The following CSMD1 variants were observed in gnomAD, a reference collection of about 807,000 sequenced individuals.
CSMD1 encodes the protein CUB and Sushi multiple domains 1.
A neutral mutation model predicts 417.5 loss-of-function variants in CSMD1; 213 were observed. That is an observed-to-expected ratio of 0.51 (90% confidence interval 0.46 to 0.57). The LOEUF (loss-of-function observed/expected upper bound fraction) is 0.57, where lower values mean the gene tolerates loss of function less well. CSMD1 is among the 20% of genes least tolerant of loss of function. The pLI is 0.00. For missense variants in CSMD1, 6,923 were observed against 4,529.7 expected (o/e 1.53, Z -15.17); for synonymous variants, 2,862 against 1,736.8 (o/e 1.65, Z -16.11).
intron 5 of CSMD1, among the ~76,000 whole-genome samples, chr8:3,991,294 A>G (rs1348707942): frequency 6.6e-6 from 1 of 152,204 alleles, no homozygotes; most frequent in Non-Finnish European, 1.5e-5. Flanking sequence ...TTATTTGCCT[A>G]TTGAGTTTCA....
intron 1 of CSMD1, among the ~76,000 whole-genome samples, chr8:4,761,353 C>A (rs1056149669): frequency 2.7e-5 from 4 of 148,834 alleles, no homozygotes; most frequent in South Asian, 2.2e-4. Flanking sequence ...TTAATTACAT[C>A]TTGAAATCGT....
chr8:3,175,057 C>G (rs1326111220), intron 37 of CSMD1, among the ~76,000 whole-genome samples: 2 of 152,022 alleles, frequency 1.3e-5, no homozygotes, highest in African/African-American at 4.8e-5. Context: ...AGTACTATAT[C>G]ACAAAATTAT....
intron 10 of CSMD1, among the ~76,000 whole-genome samples, chr8:3,529,267 C>T (rs548092284): frequency 1.3e-5 from 2 of 152,150 alleles, no homozygotes; most frequent in Non-Finnish European, 2.9e-5. Flanking sequence ...AAGTTCTTTT[C>T]CATGATTTTT....
At chr8:4,083,751 T>C (rs375008527) in intron 3 of CSMD1, among the ~76,000 whole-genome samples, 2 of 152,104 alleles carry the variant, frequency 1.3e-5, no homozygotes, top group Non-Finnish European at 2.9e-5. Flanking sequence ...GAAGAAAACC[T>C]AGGCATTACC....
intron 10 of CSMD1, among the ~76,000 whole-genome samples, chr8:3,531,283 A>G (rs954733022): frequency 6.6e-6 from 1 of 152,132 alleles, no homozygotes; most frequent in African/African-American, 2.4e-5. Flanking sequence ...ATTAATTATT[A>G]TTATTTGTTG....
intron 3 of CSMD1, among the ~76,000 whole-genome samples, chr8:4,175,048 T>C (rs987137415): frequency 3.3e-5 from 5 of 151,862 alleles, no homozygotes; most frequent in Admixed American, 1.3e-4. Context: ...CCTTTCTAAG[T>C]GAACCCTGGG....
At chr8:3,819,575 C>A (rs532976609) in intron 5 of CSMD1, among the ~76,000 whole-genome samples, 1 of 146,352 alleles carries the variant, frequency 6.8e-6, no homozygotes, top group Non-Finnish European at 1.5e-5. Context: ...TGTATATAAA[C>A]GCCAACATGC....
rs1033662695 is a variant in CSMD1 at position 3,408,143 on chromosome 8, G to A, written c.1827C>T (p.Asn609=). 1 of 1,613,136 alleles carries A rather than the reference G, an allele frequency of 6.2e-7. No homozygotes were observed. Among genetic ancestry groups the A allele is most frequent in the Non-Finnish European group, 8.5e-7 (1 of 1,179,512 alleles). ...NYPEEYGNNM[N]CVWLIISEPG... is the part of the protein sequence containing the mutation. ...GCTCCGAGATAATCAACCAGACACAGTTCATGTTGTTCCCATATTCCTCTG... is the reference window on the plus strand; with the variant it reads ...GCTCCGAGATAATCAACCAGACACAATTCATGTTGTTCCCATATTCCTCTG... Residue 609 remains asparagine, a synonymous_variant, in exon 14 of 70, where the codon AAC becomes AAT. Coordinates refer to ENST00000635120, the MANE Select transcript of CSMD1 (RefSeq NM_033225.6).
chr8:4,710,802 A>G (rs898895475), intron 1 of CSMD1, among the ~76,000 whole-genome samples: 1 of 151,792 alleles, frequency 6.6e-6, no homozygotes, highest in African/African-American at 2.4e-5. Flanking sequence ...CCAAGATCGC[A>G]CCACTGCGCT....
chr8:4,434,994 T>C (rs1798074632), intron 2 of CSMD1, among the ~76,000 whole-genome samples: 1 of 152,232 alleles, frequency 6.6e-6, no homozygotes, highest in African/African-American at 2.4e-5. Context: ...ATATTTTGCA[T>C]ACTTTTGTCT....
chr8:2,970,783 C>G (rs1289556865), intron 57 of CSMD1, among the ~76,000 whole-genome samples: 2 of 152,180 alleles, frequency 1.3e-5, no homozygotes, highest in African/African-American at 4.8e-5. Context: ...GCTACAGATA[C>G]ATTAAGCTAC....
intron 1 of CSMD1, among the ~76,000 whole-genome samples, chr8:4,775,526 C>G (rs1415066942): frequency 6.6e-6 from 1 of 151,944 alleles, no homozygotes; most frequent in African/African-American, 2.4e-5. Context: ...TCAGGGGTTC[C>G]TATCAGAAGG....
chr8:4,461,804 G>A (rs1251713370), intron 2 of CSMD1, among the ~76,000 whole-genome samples: 2 of 145,616 alleles, frequency 1.4e-5, no homozygotes, highest in African/African-American at 2.5e-5. Flanking sequence ...GCAGTAGTAC[G>A]ATCTCAGCTC....
chr8:3,853,468 G>A (rs990949269), intron 5 of CSMD1, among the ~76,000 whole-genome samples: 35 of 152,228 alleles, frequency 2.3e-4, no homozygotes, highest in African/African-American at 7.9e-4. Context: ...GTGAAGGCAA[G>A]GATCTTTGTC....
At position 4,231,984 on chromosome 8, in the gene CSMD1, A is replaced by G. The variant is rs554997535; in HGVS notation, c.415+187969T>C. On this transcript the variant is annotated intron_variant, in intron 3 of 69. Transcript: ENST00000635120. ...TTCTTTCTTTTGCAAAAGGCTAATC[A>G]TTTTGTAAAGCAAAGCCATCGACAT... Among the ~76,000 whole-genome samples the G allele has an allele frequency of 2.0e-5, 3 of 152,218 alleles. No individual in the cohort carries two copies. In the East Asian group the frequency reaches 5.8e-4, roughly 29 times the overall value.
intron 3 of CSMD1, among the ~76,000 whole-genome samples, chr8:4,093,188 T>A (rs942010949): frequency 6.6e-6 from 1 of 152,174 alleles, no homozygotes; most frequent in Non-Finnish European, 1.5e-5. Context: ...AACAGAAAAT[T>A]TGAAGTTTCA....
chr8:2,972,409 T>G (rs1389160739), intron 57 of CSMD1, among the ~76,000 whole-genome samples: 4 of 152,208 alleles, frequency 2.6e-5, no homozygotes, highest in Non-Finnish European at 5.9e-5. Context: ...GGAGTTTGCT[T>G]GTAAAGAATT....
chr8:3,715,703 C>T (rs1007662043), intron 6 of CSMD1, among the ~76,000 whole-genome samples: 4 of 152,040 alleles, frequency 2.6e-5, no homozygotes, highest in Non-Finnish European at 5.9e-5. Flanking sequence ...CCACCAAACC[C>T]ACCTATTTTT....
chr8:3,876,043 C>T (rs188425257), intron 5 of CSMD1, among the ~76,000 whole-genome samples: 1 of 152,256 alleles, frequency 6.6e-6, no homozygotes, highest in African/African-American at 2.4e-5. Flanking sequence ...GATCTTAATA[C>T]TGCATTTTAA....
Sources: gnomAD v4.1 joint callset for allele counts (sites outside exome capture counted in the v4.1 genomes callset) on GRCh38, gnomAD v4.1.1 for gene constraint, MANE v1.5 for transcripts, NCBI Gene and HGNC (gene_info 2026-07-23, HGNC 2026-07-21) for gene names.